Variants in SCARB1 observed in about 807,000 individuals in gnomAD.
SCARB1 encodes CD36 and LIMPII analogous 1.
Under a neutral mutation model 57.2 loss-of-function variants are expected in SCARB1, and 30 were observed. That is an observed-to-expected ratio of 0.52 (90% CI 0.39 to 0.71). The LOEUF (loss-of-function observed/expected upper bound fraction) is 0.71. SCARB1 is among the 30% of genes least tolerant of loss of function. The pLI is 0.00. For missense variants in SCARB1, 543 were observed against 671.2 expected (o/e 0.81, Z 2.11); for synonymous variants, 249 against 268.3 (o/e 0.93, Z 0.70).
chr12:124,833,193 C>CTT (rs34730382), intron 1 of SCARB1, among the ~76,000 whole-genome samples: 132 of 141,372 alleles, frequency 9.3e-4, no homozygotes, highest in Non-Finnish European at 9.5e-4. Flanking sequence ...AGATCCTTAA[C>CTT]TTTTTTTTTT....
Position 124,786,500 on chromosome 12 carries a change from C to A in SCARB1, c.1258G>T (p.Gly420Trp), listed in dbSNP as rs147047696. 1.9e-5 allele frequency: 30 copies of A among 1,613,912 alleles called. No individual in the cohort carries two copies. The highest frequency in any genetic ancestry group is 2.5e-5 in the Non-Finnish European group (30 of 1,180,034). Residue 420 changes from glycine (G) to tryptophan (W), a missense_variant, in exon 11 of 13, where the codon GGG becomes TGG. By Grantham distance (184) the Gly-to-Trp change is radical. Coordinates refer to ENST00000261693, the MANE Select transcript of SCARB1 (RefSeq NM_005505.5). Reference protein sequence around the residue: ...VLPLLWFAESGAMEGETLHTF... With the variant: ...VLPLLWFAESWAMEGETLHTF... The stretch of plus-strand genomic sequence containing the variant: ...TGAAGAGTCTCCCCCTCCATGGCCC[C>A]GCTCTGAGGAGACAGAATGACAAAC...
At chr12:124,834,385 A>G (rs1951541639) in intron 1 of SCARB1, among the ~76,000 whole-genome samples, 1 of 152,194 alleles carries the variant, frequency 6.6e-6, no homozygotes, top group African/African-American at 2.4e-5. Flanking sequence ...GGCCCCCAAA[A>G]GGGGCCCAAC....
intron 1 of SCARB1, among the ~76,000 whole-genome samples, chr12:124,831,408 C>T (rs549267367): frequency 4.6e-5 from 7 of 152,284 alleles, no homozygotes; most frequent in Non-Finnish European, 7.3e-5. Flanking sequence ...TGAGCCACTG[C>T]GCCTGGCCTA....
intron 9 of SCARB1, among the ~76,000 whole-genome samples, chr12:124,787,742 G>T (rs916228901): frequency 7.3e-5 from 11 of 151,562 alleles, no homozygotes; most frequent in Non-Finnish European, 1.0e-4. Flanking sequence ...GACAAGGTGA[G>T]ATGTTTTCCC....
At chr12:124,782,889 A>G in intron 11 of SCARB1, 78 bp from the exon 12 acceptor site, 2 of 1,475,982 alleles carry the variant, frequency 1.4e-6, no homozygotes, top group Non-Finnish European at 1.9e-6. Context: ...TCAATTTGCA[A>G]AAGGCAAAGA....
At position 124,786,485 on chromosome 12, in the gene SCARB1, C is replaced by A; in HGVS notation, c.1273G>T (p.Glu425Ter). 1 of 1,614,100 alleles carries A rather than the reference C, an allele frequency of 6.2e-7. No homozygotes were observed. The highest frequency in any genetic ancestry group is 8.5e-7 in the Non-Finnish European group (1 of 1,180,032). ...TGAGTGTAGAATGTGTGAAGAGTCT[C>A]CCCCTCCATGGCCCCGCTCTGAGGA... Reference protein sequence around the residue: ...WFAESGAMEGETLHTFYTQLV... With the variant: ...WFAESGAMEG Residue 425 changes from glutamate to a stop codon, truncating the protein, a stop_gained, in exon 11 of 13, where the codon GAG becomes TAG. Transcript: ENST00000261693. LOFTEE classifies it high-confidence loss of function.
intron 1 of SCARB1, among the ~76,000 whole-genome samples, chr12:124,835,970 T>G (rs1951632128): frequency 6.6e-6 from 1 of 152,216 alleles, no homozygotes; most frequent in Non-Finnish European, 1.5e-5. Context: ...CCATGTATGT[T>G]CCTGCACAGT....
intron 6 of SCARB1, among the ~76,000 whole-genome samples, chr12:124,809,942 C>T (rs1200802489): frequency 6.6e-6 from 1 of 152,216 alleles, no homozygotes; most frequent in African/African-American, 2.4e-5. Flanking sequence ...CCCAGCCCAG[C>T]ACCACCTGGC....
At chr12:124,784,648 A>G (rs1416040923) in intron 11 of SCARB1, 1 of 152,610 alleles carries the variant, frequency 6.6e-6, no homozygotes, top group Non-Finnish European at 1.5e-5. Context: ...AGCCAAGACC[A>G]GCAGAGCAGC....
rs543227351 is a variant in SCARB1, at chr12:124,800,628, G to A, written c.1010-386C>T. On this transcript the variant is annotated intron_variant, in intron 7 of 12. Transcript: ENST00000261693. The surrounding 1 kb of genome is among the most constrained non-coding windows in gnomAD (Gnocchi z 4.8). The stretch of plus-strand genomic sequence containing the variant: ...GGGAGGCACGGATGGAAAAGGCAAC[G>A]CCAGATTTGAACTTGGGTGTGGGGA... 1.7e-3 allele frequency among the ~76,000 whole-genome samples: 254 copies of A among 152,262 alleles called. 1 individual carries two copies. Among genetic ancestry groups the A allele is most frequent in the African/African-American group, 5.9e-3 (247 of 41,552 alleles).
In SCARB1 at chr12:124,780,141, T is replaced by A. The variant is rs368134060; in HGVS notation, c.*1-1555A>T. Among the ~76,000 whole-genome samples the A allele has an allele frequency of 1.8e-4, 27 of 152,280 alleles. No homozygotes were observed. In the East Asian group the frequency reaches 4.1e-3, roughly 23 times the overall value. The stretch of plus-strand genomic sequence containing the variant: ...CCTCCTCCTCCTCTTTGCCACTTGT[T>A]TGACTGAGGAACATGGACTTGGCGT... On this transcript the variant is annotated intron_variant, in intron 12 of 12. Coordinates refer to ENST00000261693, the MANE Select transcript of SCARB1 (RefSeq NM_005505.5).
chr12:124,790,885 C>T (rs1026177588), intron 9 of SCARB1, among the ~76,000 whole-genome samples: 1 of 152,258 alleles, frequency 6.6e-6, no homozygotes. Flanking sequence ...CCGGAGCTGG[C>T]GTCTGGGAGC....
intron 1 of SCARB1, among the ~76,000 whole-genome samples, chr12:124,837,500 G>T (rs1278924345): frequency 7.8e-6 from 1 of 127,402 alleles, no homozygotes. Flanking sequence ...AGGAAGGAAG[G>T]AAGGGAGAAA....
At chr12:124,827,263 C>T (rs1174653405) in intron 1 of SCARB1, among the ~76,000 whole-genome samples, 2 of 152,156 alleles carry the variant, frequency 1.3e-5, no homozygotes, top group Non-Finnish European at 2.9e-5. Context: ...TCTAAGGGGT[C>T]CATGTGAAAG....
At chr12:124,782,988 T>C (rs1566127941) in intron 11 of SCARB1, 177 bp from the exon 12 acceptor site, 2 of 633,318 alleles carry the variant, frequency 3.2e-6, no homozygotes, top group Non-Finnish European at 5.6e-6. Context: ...CTCTTAGACA[T>C]AAGTACAAGC....
Position 124,849,261 on chromosome 12 carries a change from G to T in SCARB1, c.126+14334C>A, listed in dbSNP as rs189728943. 1.1e-4 allele frequency among the ~76,000 whole-genome samples: 16 copies of T among 152,300 alleles called. No homozygotes were observed. In the East Asian group the frequency reaches 2.9e-3, roughly 28 times the overall value. ...TGGGACACACTGCAGGGTAAACCCA[G>T]TGGCTAGGATTCCAGATCAACTCCT... On this transcript the variant is annotated intron_variant, in intron 1 of 12. Coordinates refer to ENST00000261693, the MANE Select transcript of SCARB1 (RefSeq NM_005505.5).
rs1033798717 is a variant in SCARB1, at chr12:124,777,605, C to G, written c.*982G>C. 1.3e-5 allele frequency: 2 copies of G among 152,254 alleles called. No homozygotes were observed. Among genetic ancestry groups the G allele is most frequent in the Non-Finnish European group, 2.9e-5 (2 of 68,046 alleles). 9.4% of individuals were successfully genotyped at this position (152,254 alleles called of 1,614,324 possible). A position where few individuals can be genotyped will look rare whatever the true frequency, so the allele number is the denominator to read the frequency against. ...CCCCCACCCCCACGACCTCAGCAAACAAGGCTGTCACAGAGGCAGGCATCC... is the reference window on the plus strand; with the variant it reads ...CCCCCACCCCCACGACCTCAGCAAAGAAGGCTGTCACAGAGGCAGGCATCC... On this transcript the variant is annotated 3_prime_UTR_variant, in exon 13 of 13. Transcript: ENST00000261693.
At chr12:124,856,981 A>G (rs1952660711) in intron 1 of SCARB1, among the ~76,000 whole-genome samples, 1 of 152,220 alleles carries the variant, frequency 6.6e-6, no homozygotes, top group Non-Finnish European at 1.5e-5. Flanking sequence ...ATTAGGACAA[A>G]GCCTCGAAGG....
chr12:124,801,458 A>C (rs12318140), intron 7 of SCARB1, among the ~76,000 whole-genome samples: 90 of 152,320 alleles, frequency 5.9e-4, no homozygotes, highest in African/African-American at 2.0e-3. Flanking sequence ...ATTTTGCCTC[A>C]GTAAGGAAAA....
Sources: gnomAD v4.1 joint callset for allele counts (sites outside exome capture counted in the v4.1 genomes callset) on GRCh38, gnomAD v4.1.1 for gene constraint, Gnocchi (gnomAD v3.1) non-coding constraint, MANE v1.5 for transcripts, NCBI Gene and HGNC (gene_info 2026-07-23, HGNC 2026-07-21) for gene names.